Variants in SGCZ observed in about 807,000 individuals in gnomAD.
SGCZ encodes the protein sarcoglycan zeta, also known as zeta-sarcoglycan.
In SGCZ, 40 loss-of-function variants were observed where a neutral mutation model predicts 41.3. That is an observed-to-expected ratio of 0.97 (90% CI 0.75 to 1.26). The LOEUF (loss-of-function observed/expected upper bound fraction) is 1.26, where lower values mean the gene tolerates loss of function less well. Ranked by LOEUF, SGCZ falls within the 50% of genes most tolerant of loss-of-function variation. The probability of loss-of-function intolerance (pLI) is 0.00; values close to 1 mark genes in which losing one functional copy is unlikely to be tolerated. For missense variants in SGCZ, 552 were observed against 369.8 expected (o/e 1.49, Z -4.04); for synonymous variants, 206 against 137.5 (o/e 1.50, Z -3.49).
intron 5 of SGCZ, among the ~76,000 whole-genome samples, chr8:14,115,411 A>C (rs1274183140): frequency 6.6e-6 from 1 of 152,050 alleles, no homozygotes; most frequent in African/African-American, 2.4e-5. Flanking sequence ...TTGATAGCAC[A>C]TGAGCTACCC....
At chr8:15,082,383 C>CAT (rs369888582) in intron 1 of SGCZ, among the ~76,000 whole-genome samples, 1,625 of 150,670 alleles carry the variant, frequency 0.011, 34 homozygotes, top group African/African-American at 0.037. Context: ...TTAACAGATA[C>CAT]ATATATATAT....
intron 1 of SGCZ, among the ~76,000 whole-genome samples, chr8:15,118,953 C>T (rs763488620): frequency 3.2e-4 from 49 of 152,126 alleles, no homozygotes; most frequent in African/African-American, 1.4e-4. Flanking sequence ...ATCTTACTCT[C>T]GACATAGGTT....
intron 1 of SGCZ, among the ~76,000 whole-genome samples, chr8:14,596,636 A>C (rs1226815640): frequency 2.6e-5 from 4 of 152,118 alleles, no homozygotes; most frequent in African/African-American, 7.2e-5. Flanking sequence ...TTAGTTTAGA[A>C]TATCGTCCAT....
intron 1 of SGCZ, among the ~76,000 whole-genome samples, chr8:15,092,088 A>G (rs977517096): frequency 1.3e-5 from 2 of 152,124 alleles, no homozygotes; most frequent in African/African-American, 4.8e-5. Context: ...TATACACACT[A>G]CACTAAAAAC....
intron 1 of SGCZ, among the ~76,000 whole-genome samples, chr8:15,073,889 G>A (rs964448278): frequency 6.6e-6 from 1 of 152,132 alleles, no homozygotes; most frequent in African/African-American, 2.4e-5. Flanking sequence ...ACCATGTGGT[G>A]GTATGTTTTA....
intron 1 of SGCZ, among the ~76,000 whole-genome samples, chr8:14,743,342 C>A (rs527343052): frequency 1.3e-4 from 20 of 151,952 alleles, no homozygotes; most frequent in Non-Finnish European, 1.0e-4. Context: ...TTACAAATAA[C>A]CATATTGCTT....
chr8:14,476,088 C>T (rs543905697), intron 2 of SGCZ, among the ~76,000 whole-genome samples: 76 of 152,136 alleles, frequency 5.0e-4, no homozygotes, highest in Admixed American at 1.7e-3. Flanking sequence ...TACTGGTGTG[C>T]TGGCCTGATG....
chr8:14,890,758 G>C (rs1190334171), intron 1 of SGCZ, among the ~76,000 whole-genome samples: 2 of 152,150 alleles, frequency 1.3e-5, no homozygotes, highest in African/African-American at 4.8e-5. Context: ...TAGCCAAAGA[G>C]GAGAGTCAAT....
intron 1 of SGCZ, among the ~76,000 whole-genome samples, chr8:14,624,246 G>T (rs146762189): frequency 6.6e-6 from 1 of 151,980 alleles, no homozygotes; most frequent in African/African-American, 2.4e-5. Flanking sequence ...ACTACTGAAG[G>T]TCCCTCTCTG....
intron 1 of SGCZ, among the ~76,000 whole-genome samples, chr8:15,085,382 C>T (rs1805910777): frequency 6.6e-6 from 1 of 152,170 alleles, no homozygotes; most frequent in Non-Finnish European, 1.5e-5. Context: ...CTCTTAGACA[C>T]ACGTGCTGAA....
chr8:14,972,429 T>A (rs994340222), intron 1 of SGCZ, among the ~76,000 whole-genome samples: 1 of 152,224 alleles, frequency 6.6e-6, no homozygotes, highest in African/African-American at 2.4e-5. Flanking sequence ...GTAGGCAGCA[T>A]GGAATTGGGT....
intron 5 of SGCZ, among the ~76,000 whole-genome samples, chr8:14,137,107 A>G (rs1034800709): frequency 1.3e-5 from 2 of 152,192 alleles, no homozygotes; most frequent in African/African-American, 2.4e-5. Context: ...GAAAACCAAC[A>G]AACAGAAAGA....
chr8:15,163,188 G>T (rs955269138), intron 1 of SGCZ, among the ~76,000 whole-genome samples: 8 of 152,210 alleles, frequency 5.3e-5, no homozygotes, highest in Admixed American at 4.6e-4. Flanking sequence ...CTTTGTTACT[G>T]GCTTATACTT....
chr8:14,879,595 G>GAC (rs33933535), intron 1 of SGCZ, among the ~76,000 whole-genome samples: 40,068 of 146,938 alleles, frequency 0.27, 6,228 homozygotes, highest in East Asian at 0.56. Context: ...CAGACACACA[G>GAC]ACACACACAC....
At chr8:14,265,265 G>C (rs1044705315) in intron 3 of SGCZ, among the ~76,000 whole-genome samples, 1 of 152,118 alleles carries the variant, frequency 6.6e-6, no homozygotes, top group Non-Finnish European at 1.5e-5. Context: ...ACTTTGCCGA[G>C]AAATACATCA....
At chr8:14,452,409 T>A (rs1800621234) in intron 2 of SGCZ, among the ~76,000 whole-genome samples, 1 of 151,970 alleles carries the variant, frequency 6.6e-6, no homozygotes, top group Admixed American at 6.6e-5. Context: ...TTGTCCTAAC[T>A]CAAAGAATGT....
chr8:14,828,915 C>T (rs1310554185), intron 1 of SGCZ, among the ~76,000 whole-genome samples: 1 of 152,130 alleles, frequency 6.6e-6, no homozygotes, highest in Non-Finnish European at 1.5e-5. Flanking sequence ...AATTAGTAGA[C>T]ATCCATCTTA....
chr8:15,143,436 T>C (rs991520339), intron 1 of SGCZ, among the ~76,000 whole-genome samples: 2 of 152,198 alleles, frequency 1.3e-5, no homozygotes, highest in Admixed American at 6.5e-5. Flanking sequence ...AAAAATGAAA[T>C]GTATTTAAGA....
At chr8:14,957,443 G>T (rs941966474) in intron 1 of SGCZ, among the ~76,000 whole-genome samples, 1 of 151,812 alleles carries the variant, frequency 6.6e-6, no homozygotes, top group Non-Finnish European at 1.5e-5. Flanking sequence ...TCCATTCGTT[G>T]TCACTTGGTC....
Sources: allele counts gnomAD v4.1 joint callset (sites outside exome capture counted in the v4.1 genomes callset), GRCh38; gene constraint gnomAD v4.1.1; transcripts MANE v1.5; gene names NCBI Gene and HGNC (gene_info 2026-07-23, HGNC 2026-07-21).